The following DMD variants were observed in gnomAD, a reference collection of about 807,000 sequenced individuals.
DMD encodes the protein dystrophin, also known as mutant dystrophin.
Under a neutral mutation model 330.1 loss-of-function variants are expected in DMD, and 63 were observed. The ratio of observed to expected loss-of-function variants is 0.19; its 90% CI spans 0.16 to 0.24. DMD has a LOEUF of 0.24. DMD is among the 10% of genes least tolerant of loss of function. The pLI is 1.00. For synonymous variants in DMD, 1,223 were observed against 959.8 expected, an observed-to-expected ratio of 1.27 and a Z score of -5.07; for missense variants, 3,344 against 2,684.1, an observed-to-expected ratio of 1.25 and a Z score of -5.43.
intron 7 of DMD, among the ~76,000 whole-genome samples, chrX:32,760,464 TAGAAG>T (rs1457080612): frequency 9.0e-6 from 1 of 111,479 alleles, no homozygotes; most frequent in Admixed American, 9.5e-5. Context: ...CTATTGAAAA[TAGAAG>T]AGAAATGGAA....
chrX:31,391,789 T>C (rs1431505232), intron 60 of DMD, among the ~76,000 whole-genome samples: 1 of 110,442 alleles, frequency 9.1e-6, no homozygotes, highest in African/African-American at 3.3e-5. Flanking sequence ...GAGAATTGCT[T>C]GAACCTGGGA....
chrX:33,271,878 T>G (rs1169438234), intron 1 of DMD, among the ~76,000 whole-genome samples: 1 of 110,607 alleles, frequency 9.0e-6, no homozygotes, highest in Non-Finnish European at 1.9e-5. Context: ...CAAATGTGTG[T>G]TCTTTTTCAT....
At chrX:33,013,753 T>C (rs1371645570) in intron 2 of DMD, among the ~76,000 whole-genome samples, 1 of 112,707 alleles carries the variant, frequency 8.9e-6, no homozygotes, top group Non-Finnish European at 1.9e-5. Flanking sequence ...CCCAGTATCA[T>C]CCTTTTTTAA....
At chrX:31,910,976 CCA>C (rs1271785070) in intron 47 of DMD, among the ~76,000 whole-genome samples, 1 of 112,122 alleles carries the variant, frequency 8.9e-6, no homozygotes, top group Non-Finnish European at 1.9e-5. Context: ...ACAGCATCGC[CCA>C]CATAGGTACA....
chrX:33,288,378 T>C (rs753936355), intron 1 of DMD, among the ~76,000 whole-genome samples: 1 of 111,432 alleles, frequency 9.0e-6, no homozygotes, highest in East Asian at 2.8e-4. Flanking sequence ...CTAAATCAAT[T>C]GCAAACTTCA....
chrX:32,370,383 C>A (rs749980307), intron 34 of DMD, among the ~76,000 whole-genome samples: 14 of 110,245 alleles, frequency 1.3e-4, no homozygotes, highest in African/African-American at 3.6e-4. Context: ...TACTATTAGG[C>A]TAATGTGACA....
At chrX:32,634,816 GA>G (rs1238093690) in intron 11 of DMD, among the ~76,000 whole-genome samples, 1 of 111,933 alleles carries the variant, frequency 8.9e-6, no homozygotes, top group Non-Finnish European at 1.9e-5. Context: ...TGGGGGAAGG[GA>G]AGCACAAGCA....
chrX:31,310,555 T>C (rs373254066), intron 62 of DMD, among the ~76,000 whole-genome samples: 1 of 108,203 alleles, frequency 9.2e-6, no homozygotes, highest in Admixed American at 1.0e-4. Flanking sequence ...CTTTTTTTTT[T>C]ATTCCTAGAG....
At chrX:32,044,625 T>C (rs2096045707) in intron 44 of DMD, among the ~76,000 whole-genome samples, 1 of 109,879 alleles carries the variant, frequency 9.1e-6, no homozygotes, top group Admixed American at 9.7e-5. Flanking sequence ...GGTTTCACTG[T>C]GTTAGCCAGG....
At chrX:31,413,735 T>C (rs1022846755) in intron 60 of DMD, among the ~76,000 whole-genome samples, 1 of 111,758 alleles carries the variant, frequency 8.9e-6, no homozygotes, top group African/African-American at 3.3e-5. Context: ...TACCAAATTA[T>C]ATTTCTCTCC....
chrX:32,385,848 C>G (rs929892879), intron 33 of DMD, among the ~76,000 whole-genome samples: 2 of 110,185 alleles, frequency 1.8e-5, no homozygotes, highest in Non-Finnish European at 1.9e-5. Context: ...AATTTTTAAA[C>G]TTAATGTGGT....
At chrX:32,898,042 T>C (rs1401239989) in intron 2 of DMD, among the ~76,000 whole-genome samples, 2 of 112,343 alleles carry the variant, frequency 1.8e-5, no homozygotes, top group Non-Finnish European at 3.8e-5. Context: ...GTTAAATGGT[T>C]ATGCTTTGGC....
chrX:32,953,136 A>G (rs1320936211), intron 2 of DMD, among the ~76,000 whole-genome samples: 1 of 107,591 alleles, frequency 9.3e-6, no homozygotes. Flanking sequence ...CTCCACCAAA[A>G]AAAAAAAAAA....
intron 12 of DMD, among the ~76,000 whole-genome samples, chrX:32,613,208 ATT>A (rs1296290567): frequency 9.0e-6 from 1 of 111,514 alleles, no homozygotes; most frequent in Non-Finnish European, 1.9e-5. Flanking sequence ...TTTATCTGAA[ATT>A]TACATTTAAG....
At chrX:31,393,760 T>C (rs1158506811) in intron 60 of DMD, among the ~76,000 whole-genome samples, 1 of 111,639 alleles carries the variant, frequency 9.0e-6, no homozygotes, top group Non-Finnish European at 1.9e-5. Context: ...AGGGAGTTGT[T>C]AGTAAGTGGT....
chrX:31,271,090 G>A lies in DMD; in HGVS notation c.9225-10074C>T, dbSNP rs375593702. Among the ~76,000 whole-genome samples, 7 of 111,843 alleles carry A rather than the reference G, an allele frequency of 6.3e-5. No individual in the cohort carries two copies. In the South Asian group the frequency reaches 2.7e-3, roughly 43 times the overall value. On this transcript the variant is annotated intron_variant, in intron 62 of 78. Coordinates refer to ENST00000357033, the MANE Select transcript of DMD (RefSeq NM_004006.3). ...TTAGGATTTCTAAGACTCTCCAAGT[G>A]ATTCTAATATGCAGTGAAGGTTAAG...
intron 32 of DMD, 67 bp downstream of exon 32, chrX:32,389,434 A>G: frequency 9.4e-7 from 1 of 1,059,404 alleles, no homozygotes; most frequent in Admixed American, 2.2e-5. Flanking sequence ...TCTCTTATAA[A>G]AGAGCAGTTA....
intron 23 of DMD, among the ~76,000 whole-genome samples, chrX:32,465,263 T>G (rs2098397548): frequency 1.8e-5 from 2 of 111,754 alleles, no homozygotes; most frequent in Admixed American, 1.9e-4. Context: ...CTTTTATCAT[T>G]TATAAATAGC....
intron 55 of DMD, among the ~76,000 whole-genome samples, chrX:31,509,979 C>T (rs780615075): frequency 2.7e-5 from 3 of 112,095 alleles, no homozygotes; most frequent in Non-Finnish European, 5.6e-5. Flanking sequence ...AGACTCCTTC[C>T]TTTAGAAATG....
Sources: allele counts gnomAD v4.1 joint callset (sites outside exome capture counted in the v4.1 genomes callset), GRCh38; gene constraint gnomAD v4.1.1; transcripts MANE v1.5; gene names NCBI Gene and HGNC (gene_info 2026-07-23, HGNC 2026-07-21).